MYRIP: variants seen among roughly 807,000 people sequenced by gnomAD.
MYRIP encodes rab effector MyRIP.
MYRIP carries 49 observed loss-of-function variants against 98.0 expected under a neutral mutation model. That is an observed-to-expected ratio of 0.50 (90% CI 0.40 to 0.63). The LOEUF (loss-of-function observed/expected upper bound fraction) is 0.63. MYRIP is among the 30% of genes least tolerant of loss of function. The pLI, the probability that MYRIP is intolerant of heterozygous loss-of-function variation, is 0.00. For synonymous variants in MYRIP, 404 were observed against 409.5 expected (o/e 0.99, Z 0.16); for missense variants, 1,004 against 1,058.2 (o/e 0.95, Z 0.71).
At chr3:40,073,251 G>A (rs1249459076) in intron 3 of MYRIP, among the ~76,000 whole-genome samples, 1 of 152,274 alleles carries the variant, frequency 6.6e-6, no homozygotes. Flanking sequence ...TCCACCAAGA[G>A]ACCAATTAGT....
intron 1 of MYRIP, among the ~76,000 whole-genome samples, chr3:39,827,204 C>T (rs1010957927): frequency 1.1e-4 from 16 of 152,292 alleles, no homozygotes; most frequent in African/African-American, 3.8e-4. Context: ...CCTCAAACTC[C>T]TGAACTCAAA....
At chr3:40,048,682 A>G (rs1947722869) in intron 3 of MYRIP, among the ~76,000 whole-genome samples, 1 of 152,146 alleles carries the variant, frequency 6.6e-6, no homozygotes, top group Admixed American at 6.6e-5. Flanking sequence ...TAGTTCAGTA[A>G]AAGCATTTTG....
chr3:39,924,557 C>A (rs1445910468), intron 2 of MYRIP, among the ~76,000 whole-genome samples: 1 of 151,952 alleles, frequency 6.6e-6, no homozygotes, highest in African/African-American at 2.4e-5. Context: ...CAACCTCTCC[C>A]AACAACCGAT....
intron 3 of MYRIP, among the ~76,000 whole-genome samples, chr3:40,059,864 AC>A (rs1219334507): frequency 2.0e-5 from 3 of 152,158 alleles, no homozygotes; most frequent in Admixed American, 6.5e-5. Context: ...ACAACTCCAA[AC>A]CCACTAAGAG....
At chr3:40,143,252 G>T (rs772789829) in intron 3 of MYRIP, among the ~76,000 whole-genome samples, 1 of 152,190 alleles carries the variant, frequency 6.6e-6, no homozygotes, top group African/African-American at 2.4e-5. Context: ...ATGCACAGAC[G>T]CAGGATTCCA....
At chr3:40,092,358 G>C (rs180878529) in intron 3 of MYRIP, among the ~76,000 whole-genome samples, 2 of 152,138 alleles carry the variant, frequency 1.3e-5, no homozygotes, top group Non-Finnish European at 2.9e-5. Flanking sequence ...GCCAGGAAGG[G>C]CTGGGAAAGA....
chr3:39,832,408 T>C (rs1941478783), intron 1 of MYRIP, among the ~76,000 whole-genome samples: 2 of 152,218 alleles, frequency 1.3e-5, no homozygotes, highest in South Asian at 4.1e-4. Flanking sequence ...TTTTTTACTC[T>C]TTTAGATTCA....
At chr3:39,873,440 T>G (rs1942871061) in intron 1 of MYRIP, among the ~76,000 whole-genome samples, 2 of 152,196 alleles carry the variant, frequency 1.3e-5, no homozygotes, top group South Asian at 4.1e-4. Flanking sequence ...TGGTAATGCC[T>G]AGGTTTTCTT....
intron 2 of MYRIP, among the ~76,000 whole-genome samples, chr3:39,987,974 G>A (rs1946074459): frequency 6.6e-6 from 1 of 152,178 alleles, no homozygotes; most frequent in Non-Finnish European, 1.5e-5. Flanking sequence ...GGAATACTAT[G>A]TGGCCATAAA....
At chr3:40,212,261 C>CACAT (rs1553628241) in intron 11 of MYRIP, among the ~76,000 whole-genome samples, 4 of 100,436 alleles carry the variant, frequency 4.0e-5, no homozygotes, top group African/African-American at 9.0e-5. Flanking sequence ...TATATATACA[C>CACAT]GTATATATAT....
intron 2 of MYRIP, among the ~76,000 whole-genome samples, chr3:39,994,294 G>A (rs947242530): frequency 6.6e-6 from 1 of 152,240 alleles, no homozygotes; most frequent in African/African-American, 2.4e-5. Flanking sequence ...CCTAGTCAAA[G>A]AAAGGGGTGA....
intron 1 of MYRIP, among the ~76,000 whole-genome samples, chr3:39,888,683 T>C (rs893779670): frequency 3.3e-5 from 5 of 152,176 alleles, no homozygotes; most frequent in Non-Finnish European, 5.9e-5. Flanking sequence ...ACAAATGGGA[T>C]CTAATTAAAC....
At chr3:39,930,760 A>G (rs1944521160) in intron 2 of MYRIP, among the ~76,000 whole-genome samples, 1 of 152,068 alleles carries the variant, frequency 6.6e-6, no homozygotes, top group African/African-American at 2.4e-5. Flanking sequence ...CAGTTGTCTC[A>G]GTACCATTTA....
At chr3:40,141,488 CT>C (rs1193403342) in intron 3 of MYRIP, among the ~76,000 whole-genome samples, 1 of 152,008 alleles carries the variant, frequency 6.6e-6, no homozygotes, top group Non-Finnish European at 1.5e-5. Flanking sequence ...GTTGCCTGTG[CT>C]TTTGAGGCCT....
At position 40,071,181 on chromosome 3, in the gene MYRIP, A is replaced by C. The variant is rs940960484; in HGVS notation, c.332+26910A>C. On this transcript the variant is annotated intron_variant, in intron 3 of 16. Transcript: ENST00000302541. ...CTTGTTCTGACCTGACTTGTTCCCT[A>C]CCGTAATCTCCTGGATGCAGAAGTC... 23 of 985,328 alleles carry C rather than the reference A, an allele frequency of 2.3e-5. No individual in the cohort carries two copies. In the African/African-American group the frequency reaches 4.0e-4, roughly 17 times the overall value. 61.0% of individuals were successfully genotyped at this position (985,328 alleles called of 1,614,324 possible).
At chr3:40,169,855 G>A in intron 7 of MYRIP, 95 bp from the exon 8 acceptor site, 1 of 1,476,888 alleles carries the variant, frequency 6.8e-7, no homozygotes, top group Non-Finnish European at 9.3e-7. Context: ...GCTTATAAGT[G>A]GCTGAAAAAA....
intron 1 of MYRIP, among the ~76,000 whole-genome samples, chr3:39,887,094 G>T (rs1943327262): frequency 6.6e-6 from 1 of 151,792 alleles, no homozygotes; most frequent in African/African-American, 2.4e-5. Context: ...TGACTACTGG[G>T]TACATAACAA....
chr3:40,186,085 G>A lies in MYRIP; in HGVS notation c.1027+3712G>A, dbSNP rs555546886. 2.0e-5 allele frequency among the ~76,000 whole-genome samples: 3 copies of A among 152,262 alleles called. No individual in the cohort carries two copies. The South Asian group carries it at 6.2e-4, about 32-fold the overall frequency. On this transcript the variant is annotated intron_variant, in intron 9 of 16. Coordinates refer to ENST00000302541, the MANE Select transcript of MYRIP (RefSeq NM_015460.4). ...ATAGTTTGAGTGTTAAGAAATGAAA[G>A]CTTTTTGGCAAAGCTCAGAGAACAG...
intron 10 of MYRIP, among the ~76,000 whole-genome samples, chr3:40,204,037 T>TAC (rs1951689938): frequency 1.1e-4 from 1 of 9,164 alleles, no homozygotes; most frequent in African/African-American, 2.7e-4. Flanking sequence ...ATATATTATA[T>TAC]ATTATATATA....
Sources: allele counts gnomAD v4.1 joint callset (sites outside exome capture counted in the v4.1 genomes callset), GRCh38; gene constraint gnomAD v4.1.1; transcripts MANE v1.5; gene names NCBI Gene and HGNC (gene_info 2026-07-23, HGNC 2026-07-21).